ZBTB16: variants seen among roughly 807,000 people sequenced by gnomAD.
ZBTB16 encodes zinc finger and BTB domain-containing protein 16.
Under a neutral mutation model 56.8 loss-of-function variants are expected in ZBTB16, and 8 were observed. The ratio of observed to expected loss-of-function variants is 0.14; its 90% CI spans 0.08 to 0.25. The LOEUF is 0.25. Ranked by LOEUF, ZBTB16 falls within the 10% of genes least tolerant of loss-of-function variation. The pLI is 1.00. For synonymous variants in ZBTB16, 363 were observed against 368.5 expected, an observed-to-expected ratio of 0.98 and a Z score of 0.17; for missense variants, 625 against 903.0, an observed-to-expected ratio of 0.69 and a Z score of 3.95.
At chr11:114,141,356 C>T (rs1474726706) in intron 2 of ZBTB16, among the ~76,000 whole-genome samples, 2 of 152,242 alleles carry the variant, frequency 1.3e-5, no homozygotes, top group African/African-American at 4.8e-5. Flanking sequence ...ATCTGCTCCT[C>T]TTCTGCACAC....
intron 2 of ZBTB16, among the ~76,000 whole-genome samples, chr11:114,147,056 A>G (rs1942127082): frequency 6.6e-6 from 1 of 152,222 alleles, no homozygotes; most frequent in Non-Finnish European, 1.5e-5. Flanking sequence ...TTCATAATTG[A>G]TGTTTAGAGT....
chr11:114,139,508 C>A (rs1378434659), intron 2 of ZBTB16, among the ~76,000 whole-genome samples: 1 of 152,060 alleles, frequency 6.6e-6, no homozygotes, highest in Non-Finnish European at 1.5e-5. Flanking sequence ...TCTGCTCCCC[C>A]ACTGCTCAGA....
intron 2 of ZBTB16, among the ~76,000 whole-genome samples, chr11:114,129,747 C>T (rs17116456): frequency 0.09 from 13,654 of 152,302 alleles, 698 homozygotes; most frequent in Admixed American, 0.16. Flanking sequence ...GCCGCAATGA[C>T]GCTGCGCCTC....
chr11:114,111,182 C>T (rs1485770618), intron 2 of ZBTB16, among the ~76,000 whole-genome samples: 2 of 86,484 alleles, frequency 2.3e-5, no homozygotes, highest in Admixed American at 1.2e-4. Flanking sequence ...TGTGTGTGTG[C>T]ACGCGCGAGA....
rs1591710539 is a variant in ZBTB16, at chr11:114,143,672, C to G, written c.1269-12665C>G. On this transcript the variant is annotated intron_variant, in intron 2 of 6. Transcript: ENST00000335953. The surrounding 1 kb of genome is among the most constrained non-coding windows in gnomAD (Gnocchi z 6.4). Reference sequence around the variant, plus strand: ...TAAGAGTGGGGCCAACGTCCTTGTGCATTGAGGCTCCAGCCTCTCTTCTCC... The same window carrying G: ...TAAGAGTGGGGCCAACGTCCTTGTGGATTGAGGCTCCAGCCTCTCTTCTCC... Among the ~76,000 whole-genome samples, 1 of 152,286 alleles carries G rather than the reference C, an allele frequency of 6.6e-6. No individual in the cohort carries two copies. Among genetic ancestry groups the G allele is most frequent in the African/African-American group, 2.4e-5 (1 of 41,552 alleles).
chr11:114,239,458 G>C (rs1944657514), intron 4 of ZBTB16, among the ~76,000 whole-genome samples: 1 of 152,146 alleles, frequency 6.6e-6, no homozygotes, highest in Non-Finnish European at 1.5e-5. Context: ...AGTTGAAGGA[G>C]TGGGGGCCAC....
chr11:114,215,609 G>A (rs540000765), intron 4 of ZBTB16, among the ~76,000 whole-genome samples: 116 of 152,270 alleles, frequency 7.6e-4, no homozygotes, highest in Admixed American at 2.2e-3. Flanking sequence ...CTTTACAGCC[G>A]CAGCAGCCGC....
At chr11:114,199,894 C>T (rs3782001) in intron 4 of ZBTB16, among the ~76,000 whole-genome samples, 22,036 of 151,932 alleles carry the variant, frequency 0.15, 1,886 homozygotes, top group East Asian at 0.22. Flanking sequence ...TTTGGGAGGC[C>T]GAGGTGGGCG....
intron 3 of ZBTB16, among the ~76,000 whole-genome samples, chr11:114,179,555 A>G (rs1428099056): frequency 1.3e-5 from 2 of 152,122 alleles, no homozygotes; most frequent in African/African-American, 4.8e-5. Context: ...TCATCAGAAC[A>G]TTCAAGATGT....
intron 4 of ZBTB16, among the ~76,000 whole-genome samples, chr11:114,235,680 T>TTCTTTCTTTCTA (rs1944559931): frequency 3.8e-5 from 1 of 26,666 alleles, no homozygotes; most frequent in South Asian, 1.4e-3. Flanking sequence ...CTTTCTTTCT[T>TTCTTTCTTTCTA]TCTTTCTTTC....
intron 3 of ZBTB16, among the ~76,000 whole-genome samples, chr11:114,164,014 T>C (rs1186551673): frequency 6.6e-6 from 1 of 152,214 alleles, no homozygotes; most frequent in East Asian, 1.9e-4. Flanking sequence ...GATTTTGTAT[T>C]CTGTTCAGCG....
intron 3 of ZBTB16, among the ~76,000 whole-genome samples, chr11:114,169,253 A>G (rs1418577802): frequency 1.3e-5 from 2 of 152,164 alleles, no homozygotes; most frequent in African/African-American, 4.8e-5. Flanking sequence ...TTGGGCTATT[A>G]CTAGCGCCTT....
chr11:114,221,802 A>G (rs1316098991), intron 4 of ZBTB16, among the ~76,000 whole-genome samples: 1 of 152,234 alleles, frequency 6.6e-6, no homozygotes, highest in Non-Finnish European at 1.5e-5. Context: ...GGGAAACAAC[A>G]GTCTTCTCTT....
intron 4 of ZBTB16, among the ~76,000 whole-genome samples, chr11:114,228,008 A>G (rs1473034001): frequency 2.0e-5 from 3 of 152,150 alleles, no homozygotes; most frequent in Non-Finnish European, 4.4e-5. Context: ...TACCCATTAA[A>G]CACCAACTCC....
intron 4 of ZBTB16, among the ~76,000 whole-genome samples, chr11:114,215,536 C>G (rs494181): frequency 0.61 from 92,609 of 152,028 alleles, 28,524 homozygotes; most frequent in Middle Eastern, 0.73. Context: ...GGTGTGCTAG[C>G]AAGAAAAGAG....
At chr11:114,230,285 G>A (rs748466108) in intron 4 of ZBTB16, among the ~76,000 whole-genome samples, 1 of 152,172 alleles carries the variant, frequency 6.6e-6, no homozygotes, top group Non-Finnish European at 1.5e-5. Context: ...AAGGAGCCCT[G>A]AATCAGGTGT....
chr11:114,210,957 C>T (rs542307319), intron 4 of ZBTB16: 39 of 181,458 alleles, frequency 2.1e-4, no homozygotes, highest in African/African-American at 3.8e-4. Flanking sequence ...CTCACTCTGT[C>T]GCCAGGCTGG....
chr11:114,244,368 G>C (rs768314809), intron 5 of ZBTB16, among the ~76,000 whole-genome samples: 1 of 152,014 alleles, frequency 6.6e-6, no homozygotes, highest in Non-Finnish European at 1.5e-5. Flanking sequence ...GACAGATTGG[G>C]GGGGGCGGGG....
Position 114,143,339 on chromosome 11 carries a change from T to C in ZBTB16, c.1269-12998T>C, listed in dbSNP as rs534278156. On this transcript the variant is annotated intron_variant, in intron 2 of 6. Coordinates refer to ENST00000335953, the MANE Select transcript of ZBTB16 (RefSeq NM_006006.6). This position sits in a 1 kb window ranked among gnomAD's most constrained non-coding sequence, Gnocchi z 6.4. ...GTCTTCATGTAGCTGCCCATCCAGC[T>C]GGAGAGACAGAGAAACAAGCAGATG... 6.6e-6 allele frequency among the ~76,000 whole-genome samples: 1 copy of C among 152,112 alleles called. No homozygotes were observed. The highest frequency in any genetic ancestry group is 2.1e-4 in the South Asian group (1 of 4,806).
Sources: allele counts gnomAD v4.1 joint callset (sites outside exome capture counted in the v4.1 genomes callset), GRCh38; gene constraint gnomAD v4.1.1; non-coding constraint Gnocchi (gnomAD v3.1); transcripts MANE v1.5; gene names NCBI Gene and HGNC (gene_info 2026-07-23, HGNC 2026-07-21).